Variants in TMEM108 observed in about 807,000 individuals in gnomAD.
TMEM108 encodes the protein cancer/testis antigen 124.
TMEM108 carries 12 observed loss-of-function variants against 35.1 expected under a neutral mutation model. The observed-to-expected ratio is 0.34, with a 90% CI of 0.22 to 0.55. The LOEUF (loss-of-function observed/expected upper bound fraction) is 0.55. Among genes scored for constraint, TMEM108 ranks in the 20% least tolerant of loss-of-function variants. The probability of loss-of-function intolerance (pLI) is 0.89; values close to 1 mark genes in which losing one functional copy is unlikely to be tolerated. For missense variants in TMEM108, 680 were observed against 753.3 expected (o/e 0.90, Z 1.14); for synonymous variants, 287 against 308.6 (o/e 0.93, Z 0.73).
intron 3 of TMEM108, among the ~76,000 whole-genome samples, chr3:133,365,087 T>C (rs754525776): frequency 6.6e-5 from 10 of 152,242 alleles, no homozygotes; most frequent in Non-Finnish European, 1.3e-4. Context: ...GCAAGGCAGC[T>C]TTCTTAATCT....
chr3:133,082,775 C>T (rs144701655), intron 2 of TMEM108, among the ~76,000 whole-genome samples: 10 of 152,108 alleles, frequency 6.6e-5, no homozygotes, highest in African/African-American at 2.4e-4. Context: ...CCTCAGCTTC[C>T]CAAGTAGCTA....
At chr3:133,308,943 C>T (rs1389315678) in intron 3 of TMEM108, among the ~76,000 whole-genome samples, 10 of 152,146 alleles carry the variant, frequency 6.6e-5, no homozygotes, top group Admixed American at 1.3e-4. Context: ...ATGGTACCAG[C>T]TCCTCTTTGT....
chr3:133,234,753 C>A (rs1946208384), intron 3 of TMEM108, among the ~76,000 whole-genome samples: 1 of 151,984 alleles, frequency 6.6e-6, no homozygotes, highest in Admixed American at 6.6e-5. Flanking sequence ...CTGGTCAGGG[C>A]AATTAGGCAG....
chr3:133,240,738 A>G (rs1946301582), intron 3 of TMEM108, among the ~76,000 whole-genome samples: 1 of 152,216 alleles, frequency 6.6e-6, no homozygotes, highest in Non-Finnish European at 1.5e-5. Flanking sequence ...ATTGTCCTCA[A>G]CTACAATGCA....
At chr3:133,190,529 G>C (rs1383240827) in intron 2 of TMEM108, among the ~76,000 whole-genome samples, 1 of 152,166 alleles carries the variant, frequency 6.6e-6, no homozygotes, top group Non-Finnish European at 1.5e-5. Context: ...TGCTAAGTCA[G>C]TGACCACCTT....
intron 2 of TMEM108, among the ~76,000 whole-genome samples, chr3:133,153,723 GA>G (rs1253725837): frequency 2.0e-5 from 3 of 152,130 alleles, no homozygotes; most frequent in Admixed American, 6.6e-5. Context: ...ATGACTTAAT[GA>G]TGGAAAAATG....
intron 2 of TMEM108, among the ~76,000 whole-genome samples, chr3:133,184,564 A>C (rs1359646762): frequency 6.6e-6 from 1 of 152,222 alleles, no homozygotes; most frequent in African/African-American, 2.4e-5. Context: ...AGTGTTGTTA[A>C]AGAAAACTTG....
chr3:133,302,710 G>A (rs912808567), intron 3 of TMEM108, among the ~76,000 whole-genome samples: 8 of 151,862 alleles, frequency 5.3e-5, no homozygotes, highest in South Asian at 2.1e-4. Flanking sequence ...GTGAGCCACC[G>A]CCCCCGGCCA....
chr3:133,380,181 C>T lies in TMEM108; in HGVS notation c.470C>T (p.Pro157Leu), dbSNP rs376720769. Residue 157 changes from proline to leucine, a missense_variant, in exon 4 of 6, where the codon CCC becomes CTC. Pro to Leu is a moderately conservative substitution (Grantham distance 98, BLOSUM62 -3). Coordinates refer to ENST00000321871, the MANE Select transcript of TMEM108 (RefSeq NM_023943.4). This position sits in a 1 kb window ranked among gnomAD's most constrained non-coding sequence, Gnocchi z 5.3. ...GCCACCAGCCGCCCCACCACAGCGC[C>T]CCCCCGCACTACCACACGCAGGCCC... ...PGATSRPTTA[P>L]PRTTTRRPPR... is the part of the protein sequence containing the mutation. The T allele has an allele frequency of 1.9e-6, 3 of 1,612,028 alleles. No individual in the cohort carries two copies. Among genetic ancestry groups the T allele is most frequent in the South Asian group, 1.1e-5 (1 of 90,940 alleles).
rs1395690398 is a variant in TMEM108, at chr3:133,397,183, G to A, written c.*1197G>A. On this transcript the variant is annotated 3_prime_UTR_variant, in exon 6 of 6. Transcript: ENST00000321871. ...AGACGCCCAAGGGGCTTCCAGAGGT[G>A]GCCGCTTCTCTATTTTTTCCTGATT... 3 of 152,158 alleles carry A rather than the reference G, an allele frequency of 2.0e-5. No homozygotes were observed. The highest frequency in any genetic ancestry group is 4.4e-5 in the Non-Finnish European group (3 of 68,024). The allele number at this position is 152,158 out of a possible 1,614,324, so 9.4% of individuals were successfully genotyped here. A position where few individuals can be genotyped will look rare whatever the true frequency, so the allele number is the denominator to read the frequency against.
intron 3 of TMEM108, among the ~76,000 whole-genome samples, chr3:133,368,994 C>T (rs2072578610): frequency 6.6e-6 from 1 of 152,180 alleles, no homozygotes; most frequent in Non-Finnish European, 1.5e-5. Flanking sequence ...TATTCCTACC[C>T]TAAAAGCACT....
intron 2 of TMEM108, among the ~76,000 whole-genome samples, chr3:133,195,640 T>C (rs952218321): frequency 5.3e-5 from 8 of 152,216 alleles, no homozygotes; most frequent in Non-Finnish European, 7.3e-5. Context: ...GTACCACTTA[T>C]TGGTAGTAGA....
intron 3 of TMEM108, among the ~76,000 whole-genome samples, chr3:133,270,141 A>C (rs1177554741): frequency 2.0e-5 from 3 of 152,160 alleles, no homozygotes; most frequent in Non-Finnish European, 4.4e-5. Context: ...GAGATTTTGC[A>C]GTTCTCCCCT....
At chr3:133,266,343 C>T (rs1946696832) in intron 3 of TMEM108, among the ~76,000 whole-genome samples, 1 of 152,160 alleles carries the variant, frequency 6.6e-6, no homozygotes, top group Admixed American at 6.5e-5. Context: ...ATGTCTGGAG[C>T]TTACCACAGG....
intron 3 of TMEM108, among the ~76,000 whole-genome samples, chr3:133,279,380 A>G (rs189248478): frequency 3.3e-5 from 5 of 152,208 alleles, no homozygotes; most frequent in African/African-American, 7.2e-5. Context: ...GTAAAGACAT[A>G]ACCCAAGGTC....
chr3:133,184,642 T>A (rs1945394580), intron 2 of TMEM108, among the ~76,000 whole-genome samples: 1 of 152,218 alleles, frequency 6.6e-6, no homozygotes, highest in African/African-American at 2.4e-5. Context: ...AGTCATTTTT[T>A]TCTCATTTGG....
intron 3 of TMEM108, among the ~76,000 whole-genome samples, chr3:133,237,994 C>T (rs1277538597): frequency 1.3e-5 from 2 of 152,084 alleles, no homozygotes; most frequent in Admixed American, 6.6e-5. Flanking sequence ...TGTTTGAGAA[C>T]CTCTGACCTA....
chr3:133,043,529 C>T (rs1309313632), intron 1 of TMEM108, among the ~76,000 whole-genome samples: 1 of 152,002 alleles, frequency 6.6e-6, no homozygotes, highest in Admixed American at 6.6e-5. Flanking sequence ...TCATTCCTTC[C>T]TCAATAAGTA....
At chr3:133,042,130 C>T (rs757484413) in intron 1 of TMEM108, among the ~76,000 whole-genome samples, 1 of 152,046 alleles carries the variant, frequency 6.6e-6, no homozygotes, top group Non-Finnish European at 1.5e-5. Context: ...AATAACTATT[C>T]TTTGTTCTCT....
Sources: allele counts gnomAD v4.1 joint callset (sites outside exome capture counted in the v4.1 genomes callset), GRCh38; gene constraint gnomAD v4.1.1; non-coding constraint Gnocchi (gnomAD v3.1); transcripts MANE v1.5; gene names NCBI Gene and HGNC (gene_info 2026-07-23, HGNC 2026-07-21).